Variants in LRP1B observed in about 807,000 individuals in gnomAD.
LRP1B encodes LDL receptor related protein 1B.
LRP1B carries 217 observed loss-of-function variants against 556.6 expected under a neutral mutation model. The ratio of observed to expected loss-of-function variants is 0.39; its 90% confidence interval spans 0.35 to 0.44. The LOEUF (loss-of-function observed/expected upper bound fraction) is 0.44, where lower values mean the gene tolerates loss of function less well. Among genes scored for constraint, LRP1B ranks in the 20% least tolerant of loss-of-function variants. The pLI is 1.00. For missense variants in LRP1B, 5,053 were observed against 5,620.8 expected, an observed-to-expected ratio of 0.90 and a Z score of 3.23; for synonymous variants, 2,047 against 1,865.8, an observed-to-expected ratio of 1.10 and a Z score of -2.50.
intron 66 of LRP1B, among the ~76,000 whole-genome samples, chr2:140,386,236 C>A (rs963230759): frequency 3.0e-4 from 45 of 152,234 alleles, no homozygotes; most frequent in African/African-American, 1.0e-3. Flanking sequence ...CAGTAAGAAA[C>A]CGATTGGACC....
At chr2:141,156,353 G>C (rs1702066024) in intron 7 of LRP1B, among the ~76,000 whole-genome samples, 2 of 152,074 alleles carry the variant, frequency 1.3e-5, no homozygotes, top group Admixed American at 1.3e-4. Flanking sequence ...CACTGGCCAG[G>C]CGCATTAGCT....
intron 84 of LRP1B, among the ~76,000 whole-genome samples, chr2:140,290,704 C>T (rs1438281630): frequency 2.0e-5 from 3 of 152,062 alleles, no homozygotes; most frequent in African/African-American, 7.2e-5. Flanking sequence ...ATAAGCTTAA[C>T]AGCTCAAGAT....
intron 3 of LRP1B, among the ~76,000 whole-genome samples, chr2:141,443,710 G>T (rs562737857): frequency 0.013 from 1,904 of 152,164 alleles, 28 homozygotes; most frequent in African/African-American, 0.044. Flanking sequence ...GCTTGTTTTT[G>T]TCAGGTTTGT....
chr2:140,476,845 A>G (rs1243615409), intron 59 of LRP1B, among the ~76,000 whole-genome samples: 1 of 152,042 alleles, frequency 6.6e-6, no homozygotes, highest in African/African-American at 2.4e-5. Flanking sequence ...CACTAAGTCA[A>G]TTTCACATAG....
rs1205938655 is a variant in LRP1B at position 141,243,138 on chromosome 2, TA to T, written c.592+4087del. ...GTTATTTTTTATTTTTATTTATTAT[TA>T]TTTTTATTTTTTTTTTCATATGACA... On this transcript the variant is annotated intron_variant, in intron 5 of 90. Transcript: ENST00000389484. Among the ~76,000 whole-genome samples, 6 of 92,930 alleles carry T rather than the reference TA, an allele frequency of 6.5e-5. No homozygotes were observed. The East Asian group carries it at 1.4e-3, about 21-fold the overall frequency. The allele number at this position is 92,930 out of a possible 152,430, so 61.0% of individuals were successfully genotyped here. A position where few individuals can be genotyped will look rare whatever the true frequency, so the allele number is the denominator to read the frequency against.
intron 21 of LRP1B, among the ~76,000 whole-genome samples, chr2:140,916,615 A>G (rs1317618039): frequency 6.6e-6 from 1 of 152,190 alleles, no homozygotes; most frequent in African/African-American, 2.4e-5. Flanking sequence ...TATGTTGCTT[A>G]TTCCAATGGA....
chr2:140,548,293 G>A (rs181293986), intron 43 of LRP1B, among the ~76,000 whole-genome samples: 4 of 152,240 alleles, frequency 2.6e-5, no homozygotes, highest in Non-Finnish European at 5.9e-5. Context: ...AATGTATCAA[G>A]CTTACATGCC....
At chr2:140,800,252 G>A (rs974487984) in intron 32 of LRP1B, among the ~76,000 whole-genome samples, 2 of 152,106 alleles carry the variant, frequency 1.3e-5, no homozygotes, top group African/African-American at 2.4e-5. Context: ...CTGTCATAGG[G>A]GAGGAGGAGC....
chr2:141,278,274 C>T (rs1685377442), intron 3 of LRP1B, among the ~76,000 whole-genome samples: 1 of 152,140 alleles, frequency 6.6e-6, no homozygotes, highest in Non-Finnish European at 1.5e-5. Context: ...TCCAAATTTT[C>T]TGTTACATTC....
At position 140,759,276 on chromosome 2, in the gene LRP1B, A is replaced by G. The variant is rs191499167; in HGVS notation, c.5758+9937T>C. 3.2e-3 allele frequency among the ~76,000 whole-genome samples: 492 copies of G among 152,250 alleles called. 9 individuals are homozygous for G. The highest frequency in any genetic ancestry group is 0.023 in the Admixed American group (354 of 15,282). On this transcript the variant is annotated intron_variant, in intron 35 of 90. Transcript: ENST00000389484. ...CAGATCCAGAGAGATCACTATTAAG[A>G]GGTTGCTTTGTATAACTCTAAAATA...
intron 1 of LRP1B, among the ~76,000 whole-genome samples, chr2:142,072,241 A>G (rs1169906821): frequency 1.3e-5 from 2 of 151,976 alleles, no homozygotes; most frequent in African/African-American, 4.8e-5. Flanking sequence ...GCTTTTGATC[A>G]TGTCACCTAA....
intron 1 of LRP1B, among the ~76,000 whole-genome samples, chr2:141,868,215 A>G (rs529154983): frequency 3.9e-5 from 6 of 152,178 alleles, no homozygotes; most frequent in Non-Finnish European, 8.8e-5. Context: ...TCTGAACGTT[A>G]TTAAATAGCC....
chr2:141,661,154 A>G (rs1358037346), intron 2 of LRP1B, among the ~76,000 whole-genome samples: 1 of 152,160 alleles, frequency 6.6e-6, no homozygotes. Flanking sequence ...AAATGTTCCC[A>G]CAAAAACCCC....
intron 1 of LRP1B, among the ~76,000 whole-genome samples, chr2:142,094,550 A>G (rs1298421166): frequency 6.6e-6 from 1 of 152,026 alleles, no homozygotes; most frequent in African/African-American, 2.4e-5. Flanking sequence ...ATAGAAAGAA[A>G]TAAGCACATC....
intron 1 of LRP1B, among the ~76,000 whole-genome samples, chr2:141,886,769 A>G (rs531543848): frequency 1.3e-5 from 2 of 152,214 alleles, no homozygotes; most frequent in Non-Finnish European, 2.9e-5. Context: ...AGAGTACTGT[A>G]CTTTTGCTTT....
intron 32 of LRP1B, among the ~76,000 whole-genome samples, chr2:140,796,982 G>A (rs1690338783): frequency 6.6e-6 from 1 of 151,800 alleles, no homozygotes; most frequent in African/African-American, 2.4e-5. Context: ...TCTCACAAAA[G>A]TCAGGTATAA....
intron 1 of LRP1B, among the ~76,000 whole-genome samples, chr2:141,830,614 G>A (rs1236915008): frequency 6.6e-6 from 1 of 151,728 alleles, no homozygotes; most frequent in Admixed American, 6.6e-5. Flanking sequence ...GCCTGAAATA[G>A]CTCTTTCAGT....
At chr2:141,279,264 T>C (rs984684378) in intron 3 of LRP1B, among the ~76,000 whole-genome samples, 2 of 149,686 alleles carry the variant, frequency 1.3e-5, no homozygotes, top group African/African-American at 5.0e-5. Flanking sequence ...ATGTTAAATA[T>C]TGAGTATTTT....
Position 141,273,146 on chromosome 2 carries a change from G to A in LRP1B, c.344-18505C>T, listed in dbSNP as rs542878225. On this transcript the variant is annotated intron_variant, in intron 3 of 90. Transcript: ENST00000389484. ...CAATTTGGTGAAACCCCATCTCTAT[G>A]AAAAATACAAAAGTTAACTGGGCAT... Among the ~76,000 whole-genome samples the A allele has an allele frequency of 7.2e-5, 11 of 151,924 alleles. No individual in the cohort carries two copies. The East Asian group carries it at 2.1e-3, about 30-fold the overall frequency.
Sources: allele counts gnomAD v4.1 joint callset (sites outside exome capture counted in the v4.1 genomes callset), GRCh38; gene constraint gnomAD v4.1.1; transcripts MANE v1.5; gene names NCBI Gene and HGNC (gene_info 2026-07-23, HGNC 2026-07-21).